Variants in ADD3 observed in about 807,000 individuals in gnomAD.
The protein encoded by ADD3 is adducin 3.
Under a neutral mutation model 80.2 loss-of-function variants are expected in ADD3, and 25 were observed. That is an observed-to-expected ratio of 0.31 (90% CI 0.23 to 0.44). The LOEUF is 0.44. Ranked by LOEUF, ADD3 falls within the 20% of genes least tolerant of loss-of-function variation. The pLI is 1.00. For missense variants in ADD3, 829 were observed against 847.5 expected (o/e 0.98, Z 0.27); for synonymous variants, 284 against 289.6 (o/e 0.98, Z 0.20).
At chr10:110,036,663 C>T (rs368983460) in intron 1 of ADD3, among the ~76,000 whole-genome samples, 2 of 151,992 alleles carry the variant, frequency 1.3e-5, no homozygotes, top group African/African-American at 2.4e-5. Flanking sequence ...TGAGCCACCA[C>T]GCCCAGCCTT....
rs1554928332 is a variant in ADD3 at position 110,065,543 on chromosome 10, T to TTTTTTTTTTC, written c.-29-35073_-29-35072insCTTTTTTTTT. Reference sequence around the variant, plus strand: ...TTCTTAGCCTCTCTCTCTCCCCTTTTTTTTTTTTTTTTTTGAGAAAGAATC... The same window carrying TTTTTTTTTTC: ...TTCTTAGCCTCTCTCTCTCCCCTTTTTTTTTTTTTCTTTTTTTTTTTTTTGAGAAAGAATC... On this transcript the variant is annotated intron_variant, in intron 1 of 14. Transcript: ENST00000356080. Among the ~76,000 whole-genome samples, 53 of 81,756 alleles carry TTTTTTTTTTC rather than the reference T, an allele frequency of 6.5e-4. 1 individual carries two copies. The highest frequency in any genetic ancestry group is 2.2e-3 in the African/African-American group (51 of 23,282). 53.6% of individuals were successfully genotyped at this position (81,756 alleles called of 152,430 possible). A position where few individuals can be genotyped will look rare whatever the true frequency, so the allele number is the denominator to read the frequency against.
At position 110,028,137 on chromosome 10, in the gene ADD3, G is replaced by A. The variant is rs150138763; in HGVS notation, c.-30+19838G>A. 7.3e-3 allele frequency among the ~76,000 whole-genome samples: 1,110 copies of A among 152,258 alleles called. 9 individuals carry two copies. The highest frequency in any genetic ancestry group is 0.017 in the Middle Eastern group (5 of 294). The stretch of plus-strand genomic sequence containing the variant: ...TGACATACGTAAAGTGTGTAATATG[G>A]ATAATATTTGGTACATAGTAGGTGC... On this transcript the variant is annotated intron_variant, in intron 1 of 14. Coordinates refer to ENST00000356080, the MANE Select transcript of ADD3 (RefSeq NM_016824.5).
chr10:110,120,433 T>C (rs370565734), intron 8 of ADD3, among the ~76,000 whole-genome samples: 3,085 of 151,702 alleles, frequency 0.02, 43 homozygotes, highest in Non-Finnish European at 0.032. Context: ...CATAGTATTC[T>C]ATGGTGTATA....
chr10:110,004,046 G>A (rs974749189), upstream of ADD3, among the ~76,000 whole-genome samples: 2 of 152,064 alleles, frequency 1.3e-5, no homozygotes, highest in African/African-American at 4.8e-5. Context: ...GTAAAGAAAT[G>A]CATTCAATTT....
At chr10:110,115,613 A>T (rs1457583135) in intron 3 of ADD3, among the ~76,000 whole-genome samples, 3 of 152,208 alleles carry the variant, frequency 2.0e-5, no homozygotes, top group Non-Finnish European at 4.4e-5. Context: ...AAAGGAGAAA[A>T]GCATGTAGAC....
intron 1 of ADD3, chr10:110,075,790 G>A (rs1438289151): frequency 6.6e-6 from 1 of 152,082 alleles, no homozygotes; most frequent in Non-Finnish European, 1.5e-5. Flanking sequence ...TTACATAGAT[G>A]GTTGAAAAAA....
chr10:110,087,765 G>A (rs996141511), intron 1 of ADD3, among the ~76,000 whole-genome samples: 3 of 152,156 alleles, frequency 2.0e-5, no homozygotes, highest in African/African-American at 7.2e-5. Flanking sequence ...ATAGATATTA[G>A]GATGGAAATT....
At chr10:110,035,825 T>C (rs1430091735) in intron 1 of ADD3, among the ~76,000 whole-genome samples, 1 of 152,158 alleles carries the variant, frequency 6.6e-6, no homozygotes, top group East Asian at 1.9e-4. Flanking sequence ...ATTTTCTCTT[T>C]TCCTGTCTCT....
At chr10:110,100,326 G>T in intron 1 of ADD3, among the ~76,000 whole-genome samples, 1 of 147,718 alleles carries the variant, frequency 6.8e-6, no homozygotes, top group Admixed American at 6.7e-5. Flanking sequence ...CTCCAGCCTG[G>T]GTGACACAGT....
chr10:110,110,735 C>T (rs1257017572), intron 2 of ADD3, among the ~76,000 whole-genome samples: 1 of 151,860 alleles, frequency 6.6e-6, no homozygotes, highest in Non-Finnish European at 1.5e-5. Context: ...TGGTGGCTCA[C>T]ACCTGTAATC....
intron 9 of ADD3, among the ~76,000 whole-genome samples, chr10:110,123,575 T>G (rs1264473378): frequency 6.6e-6 from 1 of 152,208 alleles, no homozygotes; most frequent in Non-Finnish European, 1.5e-5. Context: ...CCCTATATAT[T>G]TTGGATAGTA....
chr10:110,009,059 T>G (rs1285009152), intron 1 of ADD3, among the ~76,000 whole-genome samples: 1 of 152,170 alleles, frequency 6.6e-6, no homozygotes, highest in Non-Finnish European at 1.5e-5. Flanking sequence ...AAGAACGGCT[T>G]CAGGTGAACT....
At chr10:110,071,522 T>C (rs1844710374) in intron 1 of ADD3, among the ~76,000 whole-genome samples, 1 of 152,266 alleles carries the variant, frequency 6.6e-6, no homozygotes, top group South Asian at 2.1e-4. Flanking sequence ...TTGTTTTCTA[T>C]TCCGTTTTAG....
upstream of ADD3, chr10:110,005,988 A>ATGCTGCTGCTGCTGC: frequency 4.0e-6 from 1 of 249,498 alleles, no homozygotes; most frequent in Non-Finnish European, 8.1e-6. Flanking sequence ...GCTGCTGCTA[A>ATGCTGCTGCTGCTGC]TGCTGCTGCT....
chr10:110,057,174 T>C (rs750116342), intron 1 of ADD3, among the ~76,000 whole-genome samples: 1 of 152,230 alleles, frequency 6.6e-6, no homozygotes, highest in Non-Finnish European at 1.5e-5. Flanking sequence ...ACCCTTTCTC[T>C]ACCCGACTCT....
intron 1 of ADD3, among the ~76,000 whole-genome samples, chr10:110,070,250 C>A (rs1412211067): frequency 1.3e-5 from 2 of 152,108 alleles, no homozygotes; most frequent in Non-Finnish European, 2.9e-5. Context: ...CTCTCCCCTG[C>A]CCCAACCCAC....
At chr10:110,049,615 C>T (rs945628070) in intron 1 of ADD3, among the ~76,000 whole-genome samples, 9 of 152,156 alleles carry the variant, frequency 5.9e-5, no homozygotes, top group South Asian at 2.1e-4. Flanking sequence ...TGGCCAGGCG[C>T]GGTGGCTCAT....
chr10:110,068,496 A>G (rs982808192), intron 1 of ADD3, among the ~76,000 whole-genome samples: 1 of 152,230 alleles, frequency 6.6e-6, no homozygotes, highest in African/African-American at 2.4e-5. Flanking sequence ...ACAAAGTTTT[A>G]TGCAGATACC....
At chr10:110,107,147 C>G (rs1849481899) in intron 2 of ADD3, among the ~76,000 whole-genome samples, 1 of 152,044 alleles carries the variant, frequency 6.6e-6, no homozygotes, top group Non-Finnish European at 1.5e-5. Flanking sequence ...TTTCAGTCCT[C>G]AGATAATATG....
Sources: allele counts gnomAD v4.1 joint callset (sites outside exome capture counted in the v4.1 genomes callset), GRCh38; gene constraint gnomAD v4.1.1; transcripts MANE v1.5; gene names NCBI Gene and HGNC (gene_info 2026-07-23, HGNC 2026-07-21).